Variants in MMUT observed in about 807,000 individuals in gnomAD.
The protein encoded by MMUT is methylmalonyl-CoA mutase, mitochondrial.
Under a neutral mutation model 79.9 loss-of-function variants are expected in MMUT, and 79 were observed. The observed-to-expected ratio is 0.99, with a 90% CI of 0.82 to 1.19. The LOEUF is 1.19. MMUT is among the 50% of genes most tolerant of loss of function. The pLI, the probability that MMUT is intolerant of heterozygous loss-of-function variation, is 0.00. For missense variants in MMUT, 860 were observed against 917.2 expected, an observed-to-expected ratio of 0.94 and a Z score of 0.81; for synonymous variants, 273 against 295.7, an observed-to-expected ratio of 0.92 and a Z score of 0.79.
At position 49,435,466 on chromosome 6, in the gene MMUT, A is replaced by G. The variant is rs772888575; in HGVS notation, c.2114T>C (p.Ile705Thr). ...AGAGATAAAAAATACCTGAGGTGGT[A>G]TCACCCCTCCACACATGACAAGAAT... ...PDILVMCGGV[I>T]PPQDYEFLFE... is the part of the protein sequence containing the mutation. Residue 705 changes from isoleucine to threonine, a missense_variant, in exon 12 of 13, where the codon ATA becomes ACA. By Grantham distance (89) the Ile-to-Thr change is moderately conservative (BLOSUM62 -1). Transcript: ENST00000274813. The G allele has an allele frequency of 2.5e-6, 4 of 1,613,832 alleles. No homozygotes were observed. The highest frequency in any genetic ancestry group is 1.1e-5 in the South Asian group (1 of 91,076).
intron 4 of MMUT, among the ~76,000 whole-genome samples, chr6:49,454,551 G>C (rs2127418960): frequency 6.6e-6 from 1 of 152,232 alleles, no homozygotes; most frequent in East Asian, 1.9e-4. Flanking sequence ...CATGTGATCT[G>C]TCCGCCTCGG....
intron 7 of MMUT, 26 bp downstream of exon 7, chr6:49,448,790 A>C (rs1767474786): frequency 6.6e-7 from 1 of 1,515,330 alleles, no homozygotes; most frequent in African/African-American, 1.4e-5. Context: ...ACTGGATTTC[A>C]TATATGAACT....
chr6:49,454,251 T>G (rs938447156), intron 4 of MMUT, among the ~76,000 whole-genome samples: 3 of 152,214 alleles, frequency 2.0e-5, no homozygotes, highest in Non-Finnish European at 4.4e-5. Flanking sequence ...TTTAAACATT[T>G]AGGTTACTTG....
chr6:49,455,029 G>C (rs1246762646), intron 4 of MMUT, among the ~76,000 whole-genome samples: 1 of 152,104 alleles, frequency 6.6e-6, no homozygotes, highest in African/African-American at 2.4e-5. Flanking sequence ...ATGTGCAACA[G>C]AGCAAGATCC....
chr6:49,444,237 T>C (rs146869976), intron 9 of MMUT, among the ~76,000 whole-genome samples: 554 of 152,142 alleles, frequency 3.6e-3, no homozygotes, highest in African/African-American at 0.013. Flanking sequence ...TCAAAAGCAA[T>C]GGGATGACAA....
intron 12 of MMUT, among the ~76,000 whole-genome samples, chr6:49,432,478 C>T (rs1190700742): frequency 6.6e-6 from 1 of 152,064 alleles, no homozygotes; most frequent in Non-Finnish European, 1.5e-5. Context: ...AGCTCCGCCT[C>T]CCGGGTTCAC....
rs1767206341 is a variant in MMUT at position 49,439,101 on chromosome 6, C to CT, written c.1956+1104dup. Among the ~76,000 whole-genome samples the CT allele has an allele frequency of 1.3e-5, 2 of 152,174 alleles. 1 individual carries two copies. The highest frequency in any genetic ancestry group is 4.2e-4 in the South Asian group (2 of 4,818). ...ACTTTCTCATGTAACTTACTTGTGC[C>CT]TTCAGGACCTGCTCAAGCTGGACCA... On this transcript the variant is annotated intron_variant, in intron 11 of 12. Coordinates refer to ENST00000274813, the MANE Select transcript of MMUT (RefSeq NM_000255.4).
In MMUT at chr6:49,458,049, T is replaced by A. The variant is rs766605891; in HGVS notation, c.395A>T (p.Gln132Leu). The A allele has an allele frequency of 1.9e-6, 3 of 1,600,848 alleles. No individual in the cohort carries two copies. Among genetic ancestry groups the A allele is most frequent in the Non-Finnish European group, 2.5e-6 (3 of 1,179,852 alleles). The change falls in exon 3 of 13, where the codon CAG becomes CTG. Residue 132 changes from glutamine (Q) to leucine (L), a missense_variant. Coordinates refer to ENST00000274813, the MANE Select transcript of MMUT (RefSeq NM_000255.4). Reference sequence around the variant, plus strand: ...CAGATCAAAGGCAACTGATAATCCCTGCTGACCAGCTAAATATATAAAGAA... The same window carrying A: ...CAGATCAAAGGCAACTGATAATCCCAGCTGACCAGCTAAATATATAAAGAA... ...FYKDNIKAGQ[Q>L]GLSVAFDLAT... is the part of the protein sequence containing the mutation.
chr6:49,458,108 G>A (rs758233389), intron 2 of MMUT, 50 bp from the exon 3 acceptor site: 1 of 1,567,774 alleles, frequency 6.4e-7, no homozygotes. Flanking sequence ...TGGAATCAAG[G>A]TAAAATGATT....
At chr6:49,450,310 C>G (rs1055882274) in intron 6 of MMUT, among the ~76,000 whole-genome samples, 1 of 149,434 alleles carries the variant, frequency 6.7e-6, no homozygotes, top group African/African-American at 2.5e-5. Context: ...ACTAGGAGTT[C>G]TAGAAAGAGA....
chr6:49,451,449 A>G lies in MMUT; in HGVS notation c.1332+17T>C. On this transcript the variant is annotated intron_variant, in intron 6 of 12. Transcript: ENST00000274813. The stretch of plus-strand genomic sequence containing the variant: ...CTGTAAATTCTGAAAACAAAGTTGC[A>G]AAGTGGAAAAACTTACCTTTAAAGC... 1.2e-6 allele frequency: 2 copies of G among 1,613,362 alleles called. No individual in the cohort carries two copies. The highest frequency in any genetic ancestry group is 1.7e-5 in the Admixed American group (1 of 59,978).
intron 1 of MMUT, among the ~76,000 whole-genome samples, chr6:49,460,539 G>C (rs1278669243): frequency 6.6e-6 from 1 of 152,176 alleles, no homozygotes; most frequent in Non-Finnish European, 1.5e-5. Context: ...TCATTTTCCA[G>C]ATGTAGAAAC....
At chr6:49,458,990 A>C (rs1767763796) in intron 2 of MMUT, 92 bp downstream of exon 2, 5 of 1,273,064 alleles carry the variant, frequency 3.9e-6, no homozygotes, top group Non-Finnish European at 4.4e-6. Context: ...TATAGAGTGA[A>C]TATCATCTTT....
intron 6 of MMUT, among the ~76,000 whole-genome samples, 164 bp from the exon 7 acceptor site, chr6:49,449,091 T>C (rs1159875780): frequency 6.6e-6 from 1 of 152,120 alleles, no homozygotes; most frequent in African/African-American, 2.4e-5. Context: ...AGTCATTAAT[T>C]AGAATTTGTG....
chr6:49,432,750 C>A lies in MMUT; in HGVS notation c.2125-894G>T, dbSNP rs531853393. ...GATATCAAGGGCACAAATAATACTG[C>A]AGGATTTAGGCTGTTATAACATCTG... On this transcript the variant is annotated intron_variant, in intron 12 of 12. Coordinates refer to ENST00000274813, the MANE Select transcript of MMUT (RefSeq NM_000255.4). Among the ~76,000 whole-genome samples the A allele has an allele frequency of 2.6e-5, 4 of 152,218 alleles. No homozygotes were observed. In the South Asian group the frequency reaches 6.2e-4, roughly 24 times the overall value.
In MMUT at chr6:49,447,932, A is replaced by T. The variant is rs559373843; in HGVS notation, c.1445-147T>A. The T allele has an allele frequency of 1.3e-3, 779 of 613,364 alleles. 20 individuals carry two copies. In the South Asian group the frequency reaches 0.015, roughly 12 times the overall value. The allele number at this position is 613,364 out of a possible 1,614,324, so 38.0% of individuals were successfully genotyped here. ...ACTTCAATATAGATCAGCAAATCCCAATCTGAGAAGGGGGTGTGAGAGGAA... is the reference window on the plus strand; with the variant it reads ...ACTTCAATATAGATCAGCAAATCCCTATCTGAGAAGGGGGTGTGAGAGGAA... On this transcript the variant is annotated intron_variant, in intron 7 of 12. Transcript: ENST00000274813.
intron 9 of MMUT, among the ~76,000 whole-genome samples, chr6:49,442,308 T>A (rs1313067494): frequency 6.6e-6 from 1 of 152,090 alleles, no homozygotes; most frequent in African/African-American, 2.4e-5. Flanking sequence ...CTCCCATAAA[T>A]ATTTTTTGAT....
chr6:49,447,638 TAAAAA>T, intron 8 of MMUT, 27 bp downstream of exon 8: 2 of 1,074,660 alleles, frequency 1.9e-6, no homozygotes, highest in Non-Finnish European at 2.7e-6. Flanking sequence ...AGAAAATACT[TAAAAA>T]AAAAAAAAAA....
At chr6:49,449,108 T>C (rs1767486273) in intron 6 of MMUT, among the ~76,000 whole-genome samples, 181 bp from the exon 7 acceptor site, 1 of 152,104 alleles carries the variant, frequency 6.6e-6, no homozygotes, top group Non-Finnish European at 1.5e-5. Context: ...TGTGTGTTTA[T>C]AGTTACTTGA....
Sources: allele counts gnomAD v4.1 joint callset (sites outside exome capture counted in the v4.1 genomes callset), GRCh38; gene constraint gnomAD v4.1.1; transcripts MANE v1.5; gene names NCBI Gene and HGNC (gene_info 2026-07-23, HGNC 2026-07-21).